Variants in KIF14 observed in about 807,000 individuals in gnomAD.
The protein encoded by KIF14 is kinesin-like protein KIF14.
In KIF14, 98 loss-of-function variants were observed where a neutral mutation model predicts 176.2. That is an observed-to-expected ratio of 0.56 (90% CI 0.47 to 0.66). KIF14 has a LOEUF of 0.66. KIF14 is among the 30% of genes least tolerant of loss of function. The pLI is 0.00. For synonymous variants in KIF14, 566 were observed against 632.2 expected, an observed-to-expected ratio of 0.90 and a Z score of 1.57; for missense variants, 1,751 against 1,920.4, an observed-to-expected ratio of 0.91 and a Z score of 1.65.
intron 21 of KIF14, among the ~76,000 whole-genome samples, chr1:200,579,634 G>T (rs1438833845): frequency 6.6e-6 from 1 of 151,784 alleles, no homozygotes; most frequent in Non-Finnish European, 1.5e-5. Context: ...ATATATATTT[G>T]TAAAATGCAA....
intron 14 of KIF14, among the ~76,000 whole-genome samples, chr1:200,594,368 C>CAAA (rs371729211): frequency 2.2e-5 from 2 of 92,484 alleles, no homozygotes; most frequent in Non-Finnish European, 3.9e-5. Context: ...CCCAAAAATT[C>CAAA]AAAAAAAAAA....
rs1384119781 is a variant in KIF14 at position 200,589,233 on chromosome 1, G to A, written c.3098C>T (p.Thr1033Ile). 6.9e-6 allele frequency: 11 copies of A among 1,604,276 alleles called. No individual in the cohort carries two copies. Among genetic ancestry groups the A allele is most frequent in the Non-Finnish European group, 9.4e-6 (11 of 1,175,556 alleles). ...TAAAATTACCTGTTTTGTAGCCAAT[G>A]TTTCCATTTCTAATCGCTTTTTGTT... The part of the protein sequence containing the change: ...YVNKKRLEME[T>I]LATKQALEDH... The change falls in exon 18 of 30, where the codon ACA (threonine) becomes ATA (isoleucine). Residue 1033 changes from threonine (T) to isoleucine (I), a missense_variant. Transcript: ENST00000367350.
chr1:200,610,766 A>G lies in KIF14; in HGVS notation c.1456-1838T>C, dbSNP rs543065327. The stretch of plus-strand genomic sequence containing the variant: ...GCAATAGAAAATTAATTAAGAATCA[A>G]AATGAGATGACTATAAATATGACTA... On this transcript the variant is annotated intron_variant, in intron 4 of 29. Coordinates refer to ENST00000367350, the MANE Select transcript of KIF14 (RefSeq NM_014875.3). 5.3e-5 allele frequency among the ~76,000 whole-genome samples: 8 copies of G among 152,340 alleles called. No homozygotes were observed. The East Asian group carries it at 1.3e-3, about 26-fold the overall frequency.
At chr1:200,571,189 T>C (rs11584015) in intron 22 of KIF14, among the ~76,000 whole-genome samples, 43,809 of 151,704 alleles carry the variant, frequency 0.29, 7,710 homozygotes, top group Non-Finnish European at 0.4. Context: ...GTGGCAGCTG[T>C]CTGTAGTCCC....
chr1:200,618,264 T>C lies in KIF14; in HGVS notation c.460A>G (p.Asn154Asp), dbSNP rs910038023. 2.5e-6 allele frequency: 4 copies of C among 1,613,672 alleles called. No homozygotes were observed. The South Asian group carries it at 4.4e-5, about 18-fold the overall frequency. Residue 154 changes from asparagine to aspartate, a missense_variant, in exon 2 of 30, where the codon AAT becomes GAT. Transcript: ENST00000367350. ...GTTCTACTTTCCTTAGAAACACCAT[T>C]ATTTTCTGTTTCACCTCCCACATTC... The part of the protein sequence containing the change: ...TLNVGGETEN[N>D]GVSKESRTNV...
At chr1:200,601,849 G>A (rs999078604) in intron 11 of KIF14, 47 bp downstream of exon 11, 1 of 1,442,024 alleles carries the variant, frequency 6.9e-7, no homozygotes, top group South Asian at 1.2e-5. Context: ...TAATATCTGG[G>A]ACTAAACTGT....
At chr1:200,566,485 C>A (rs1210027588) in intron 23 of KIF14, among the ~76,000 whole-genome samples, 2 of 151,378 alleles carry the variant, frequency 1.3e-5, no homozygotes, top group African/African-American at 4.8e-5. Flanking sequence ...TCCAGCTACC[C>A]GGGAGGCTGA....
At position 200,618,169 on chromosome 1, in the gene KIF14, T is replaced by C. The variant is rs1385181036; in HGVS notation, c.555A>G (p.Pro185=). The C allele has an allele frequency of 6.2e-7, 1 of 1,614,028 alleles. No individual in the cohort carries two copies. The highest frequency in any genetic ancestry group is 8.5e-7 in the Non-Finnish European group (1 of 1,179,982). Residue 185 remains proline (P), a synonymous_variant, in exon 2 of 30, where the codon CCA becomes CCG. Coordinates refer to ENST00000367350, the MANE Select transcript of KIF14 (RefSeq NM_014875.3). The stretch of plus-strand genomic sequence containing the variant: ...TATCAGCCATCATTTCAATGACCTG[T>C]GGATCTTCATCTAAAGGTACAGAAG... The part of the protein sequence containing the change: ...VASSVPLDED[P]QVIEMMADKK...
chr1:200,611,885 T>C (rs1449188655), intron 4 of KIF14, among the ~76,000 whole-genome samples: 1 of 152,258 alleles, frequency 6.6e-6, no homozygotes, highest in Non-Finnish European at 1.5e-5. Context: ...ATATAATCTC[T>C]ATTTTCTGTT....
intron 18 of KIF14, among the ~76,000 whole-genome samples, 174 bp downstream of exon 18, chr1:200,589,043 G>T (rs1438164802): frequency 6.6e-6 from 1 of 152,168 alleles, no homozygotes; most frequent in African/African-American, 2.4e-5. Context: ...ATCTCTGTGT[G>T]ATCTGTGAGC....
At chr1:200,577,848 G>A (rs1658214955) in intron 21 of KIF14, among the ~76,000 whole-genome samples, 1 of 151,882 alleles carries the variant, frequency 6.6e-6, no homozygotes, top group Admixed American at 6.6e-5. Context: ...GTATTGCTAT[G>A]TTCTAGAATA....
Position 200,603,230 on chromosome 1 carries a change from T to C in KIF14, c.1975A>G (p.Thr659Ala). 1 of 1,569,144 alleles carries C rather than the reference T, an allele frequency of 6.4e-7. No homozygotes were observed. Among genetic ancestry groups the C allele is most frequent in the South Asian group, 1.1e-5 (1 of 89,108 alleles). Residue 659 changes from threonine to alanine, a missense_variant, in exon 10 of 30, where the codon ACA (threonine) becomes GCA (alanine). Physicochemically the swap from Thr to Ala is moderately conservative, Grantham distance 58. Coordinates refer to ENST00000367350, the MANE Select transcript of KIF14 (RefSeq NM_014875.3). ...TATACTTCAAAAGATACTTGCCATGTAAGAACAGATTCACGATAAGGAATA... is the reference window on the plus strand; with the variant it reads ...TATACTTCAAAAGATACTTGCCATGCAAGAACAGATTCACGATAAGGAATA... ...VFIPYRESVLTWLLKESLGGN... is the reference protein window; with the variant it reads ...VFIPYRESVLAWLLKESLGGN...
intron 20 of KIF14, 64 bp downstream of exon 20, chr1:200,581,137 A>T: frequency 1.3e-6 from 1 of 748,526 alleles, no homozygotes; most frequent in Non-Finnish European, 2.1e-6. Flanking sequence ...AAAAAAAGAG[A>T]AACTAAATGA....
Position 200,586,154 on chromosome 1 carries a change from T to C in KIF14, c.3188A>G (p.Lys1063Arg). 6.2e-7 allele frequency: 1 copy of C among 1,603,054 alleles called. No homozygotes were observed. Among genetic ancestry groups the C allele is most frequent in the Non-Finnish European group, 8.5e-7 (1 of 1,172,742 alleles). The change falls in exon 19 of 30, where the codon AAA becomes AGA. Residue 1063 changes from lysine to arginine, a missense_variant. Coordinates refer to ENST00000367350, the MANE Select transcript of KIF14 (RefSeq NM_014875.3). ...ATTCTGCTGTAGAATTTGTACTTCT[T>C]TAGCAATTTTTTGCTTTTCAGTTTC... The part of the protein sequence containing the change: ...ALETEKQKIA[K>R]EVQILQQNRN...
At chr1:200,579,381 T>C (rs1303932505) in intron 21 of KIF14, among the ~76,000 whole-genome samples, 1 of 151,714 alleles carries the variant, frequency 6.6e-6, no homozygotes, top group Non-Finnish European at 1.5e-5. Context: ...CCAAGGCGGG[T>C]GGATCACCCG....
intron 4 of KIF14, among the ~76,000 whole-genome samples, chr1:200,610,461 G>A (rs1403128340): frequency 6.9e-6 from 1 of 143,936 alleles, no homozygotes; most frequent in East Asian, 2.0e-4. Flanking sequence ...AGTGAGCCAA[G>A]ATCGCGCCAC....
intron 22 of KIF14, among the ~76,000 whole-genome samples, chr1:200,571,745 A>G (rs185578588): frequency 1.8e-3 from 277 of 152,344 alleles, no homozygotes; most frequent in African/African-American, 6.1e-3. Flanking sequence ...GGAAATATCA[A>G]TTCTCAAATA....
At position 200,552,872 on chromosome 1, in the gene KIF14, C is replaced by T. The variant is rs1035312962; in HGVS notation, c.*516G>A. 2 of 151,928 alleles carry T rather than the reference C, an allele frequency of 1.3e-5. No individual in the cohort carries two copies. Among genetic ancestry groups the T allele is most frequent in the Admixed American group, 6.6e-5 (1 of 15,244 alleles). The allele number at this position is 151,928 out of a possible 1,614,324, so 9.4% of individuals were successfully genotyped here. A position where few individuals can be genotyped will look rare whatever the true frequency, so the allele number is the denominator to read the frequency against. ...TTATAAACGACTAATGAACCAACTA[C>T]AGACAGTATACCAATGTTAAACACT... On this transcript the variant is annotated 3_prime_UTR_variant, in exon 30 of 30. Coordinates refer to ENST00000367350, the MANE Select transcript of KIF14 (RefSeq NM_014875.3).
At chr1:200,599,106 G>C (rs900371857) in intron 13 of KIF14, among the ~76,000 whole-genome samples, 4 of 152,162 alleles carry the variant, frequency 2.6e-5, no homozygotes, top group Non-Finnish European at 5.9e-5. Flanking sequence ...ACCGTCAACA[G>C]CTTCTGTTTT....
Sources: gnomAD v4.1 joint callset for allele counts (sites outside exome capture counted in the v4.1 genomes callset) on GRCh38, gnomAD v4.1.1 for gene constraint, MANE v1.5 for transcripts, NCBI Gene and HGNC (gene_info 2026-07-23, HGNC 2026-07-21) for gene names.